KCNQ1OT1: variants seen among roughly 807,000 people sequenced by gnomAD.
KCNQ1OT1 encodes KCNQ1 antisense RNA 2 (non-protein coding).
At chr11:2,610,053 T>TGG (rs1848953737) in exon 1 of KCNQ1OT1, 1 of 397,802 alleles carries the variant, frequency 2.5e-6, no homozygotes, top group Non-Finnish European at 4.4e-6. Context: ...CAGTTTTACT[T>TGG]TTGGTCTTTT....
At chr11:2,699,612 G>GAA in exon 1 of KCNQ1OT1, 1 of 354,102 alleles carries the variant, frequency 2.8e-6, no homozygotes, top group Admixed American at 4.7e-5. Flanking sequence ...AGAGGCCCCC[G>GAA]GAGAGAACCG....
In KCNQ1OT1 at chr11:2,653,583, T is replaced by G. The variant is rs1050735686; in HGVS notation, n.46412A>C. On this transcript the variant is annotated non_coding_transcript_exon_variant, in exon 1 of 1. Coordinates refer to ENST00000597346, the Ensembl canonical transcript of KCNQ1OT1. The surrounding 1 kb of genome is among the most constrained non-coding windows in gnomAD (Gnocchi z 5.3). ...CCCGTTCCCTCTTTTGTTCTCCCTT[T>G]CCCTTGCTCTCTATCCATTGGCCCC... is the stretch of plus-strand genomic sequence containing the variant. 5 of 398,616 alleles carry G rather than the reference T, an allele frequency of 1.3e-5. No individual in the cohort carries two copies. Among genetic ancestry groups the G allele is most frequent in the African/African-American group, 1.0e-4 (5 of 48,612 alleles). The allele number at this position is 398,616 out of a possible 1,614,324, so 24.7% of individuals were successfully genotyped here.
At chr11:2,630,306 G>C (rs960954649) in exon 1 of KCNQ1OT1, 2 of 397,984 alleles carry the variant, frequency 5.0e-6, no homozygotes, top group African/African-American at 4.1e-5. Flanking sequence ...GTTAAATTCA[G>C]TTTGATCATA....
exon 1 of KCNQ1OT1, chr11:2,688,945 C>G (rs548722378): frequency 5.0e-5 from 20 of 398,862 alleles, no homozygotes; most frequent in Admixed American, 1.8e-4. Context: ...CTGTCACCCA[C>G]TGGGCCTAGG....
rs376860798 is a variant in KCNQ1OT1 at position 2,699,731 on chromosome 11, A to G, written n.264T>C. ...CGGCGCCGAGGAGTCCCCGGGGAGAACTGCGCCGAGGAGCCCCCAGAAGAG... is the reference window on the plus strand; with the variant it reads ...CGGCGCCGAGGAGTCCCCGGGGAGAGCTGCGCCGAGGAGCCCCCAGAAGAG... On this transcript the variant is annotated non_coding_transcript_exon_variant, in exon 1 of 1. Transcript: ENST00000597346. 1.7e-4 allele frequency: 48 copies of G among 275,178 alleles called. 2 individuals are homozygous for G. Among genetic ancestry groups the G allele is most frequent in the African/African-American group, 1.3e-3 (44 of 33,156 alleles). The allele number at this position is 275,178 out of a possible 1,614,324, so 17.0% of individuals were successfully genotyped here.
chr11:2,685,259 C>T, exon 1 of KCNQ1OT1: 1 of 398,694 alleles, frequency 2.5e-6, no homozygotes, highest in Non-Finnish European at 4.4e-6. Flanking sequence ...AACTCCAGGG[C>T]ACACGTGCCA....
Position 2,679,407 on chromosome 11 carries a change from A to G in KCNQ1OT1, n.20588T>C, listed in dbSNP as rs1267935226. On this transcript the variant is annotated non_coding_transcript_exon_variant, in exon 1 of 1. Coordinates refer to ENST00000597346, the Ensembl canonical transcript of KCNQ1OT1. This position sits in a 1 kb window ranked among gnomAD's most constrained non-coding sequence, Gnocchi z 4.8. ...TTTCTTTATTTGTAAAATGGGAATCATAAGAGTACCTTCCTCAGAGGGTTG... is the reference window on the plus strand; with the variant it reads ...TTTCTTTATTTGTAAAATGGGAATCGTAAGAGTACCTTCCTCAGAGGGTTG... 5.0e-6 allele frequency: 2 copies of G among 398,676 alleles called. No homozygotes were observed. The highest frequency in any genetic ancestry group is 8.8e-6 in the Non-Finnish European group (2 of 226,074). The allele number at this position is 398,676 out of a possible 1,614,324, so 24.7% of individuals were successfully genotyped here.
chr11:2,622,736 C>G (rs927658923), exon 1 of KCNQ1OT1: 8 of 398,322 alleles, frequency 2.0e-5, no homozygotes, highest in African/African-American at 1.4e-4. Flanking sequence ...ATTTTTAGAG[C>G]AGTTTTAGGG....
At position 2,664,168 on chromosome 11, in the gene KCNQ1OT1, G is replaced by A; in HGVS notation, n.35827C>T. On this transcript the variant is annotated non_coding_transcript_exon_variant, in exon 1 of 1. Coordinates refer to ENST00000597346, the Ensembl canonical transcript of KCNQ1OT1. This position sits in a 1 kb window ranked among gnomAD's most constrained non-coding sequence, Gnocchi z 5.1. ...CTCAGAGCAGGCTGTTCCAAAAGTG[G>A]CTGCTAGATATGAGCCAGCCTGGGA... 1 of 398,728 alleles carries A rather than the reference G, an allele frequency of 2.5e-6. No individual in the cohort carries two copies. 24.7% of individuals were successfully genotyped at this position (398,728 alleles called of 1,614,324 possible).
rs968405222 is a variant in KCNQ1OT1, at chr11:2,698,989, G to A, written n.1006C>T. The A allele has an allele frequency of 5.0e-6, 2 of 398,444 alleles. No homozygotes were observed. Among genetic ancestry groups the A allele is most frequent in the Non-Finnish European group, 8.8e-6 (2 of 226,064 alleles). 24.7% of individuals were successfully genotyped at this position (398,444 alleles called of 1,614,324 possible). A position where few individuals can be genotyped will look rare whatever the true frequency, so the allele number is the denominator to read the frequency against. On this transcript the variant is annotated non_coding_transcript_exon_variant, in exon 1 of 1. Transcript: ENST00000597346. This position sits in a 1 kb window ranked among gnomAD's most constrained non-coding sequence, Gnocchi z 5.1. ...AACCACAACGGGGATTCCCACCTCC[G>A]ATCCTAATTCGGGCCCTGACTCAGA...
exon 1 of KCNQ1OT1, chr11:2,681,199 T>A (rs1407128713): frequency 5.0e-6 from 2 of 398,460 alleles, no homozygotes; most frequent in African/African-American, 4.1e-5. Flanking sequence ...ATTTTTGCAG[T>A]GTTTGTGTTC....
chr11:2,699,495 G>T, exon 1 of KCNQ1OT1: 1 of 175,732 alleles, frequency 5.7e-6, no homozygotes, highest in Non-Finnish European at 8.9e-6. Context: ...CGGGGAGAGT[G>T]CCGCGCTGAG....
In KCNQ1OT1 at chr11:2,623,016, C is replaced by G. The variant is rs1420484148; in HGVS notation, n.76979G>C. Reference sequence around the variant, plus strand: ...CAAATCTCATCTTGAACTGTAATCCCCATGTGTCAGGGGAGGGGCCTGGTG... The same window carrying G: ...CAAATCTCATCTTGAACTGTAATCCGCATGTGTCAGGGGAGGGGCCTGGTG... On this transcript the variant is annotated non_coding_transcript_exon_variant, in exon 1 of 1. Coordinates refer to ENST00000597346, the Ensembl canonical transcript of KCNQ1OT1. This position sits in a 1 kb window ranked among gnomAD's most constrained non-coding sequence, Gnocchi z 5.2. 2.5e-6 allele frequency: 1 copy of G among 398,432 alleles called. No homozygotes were observed. The highest frequency in any genetic ancestry group is 2.1e-5 in the African/African-American group (1 of 48,602). 24.7% of individuals were successfully genotyped at this position (398,432 alleles called of 1,614,324 possible). A position where few individuals can be genotyped will look rare whatever the true frequency, so the allele number is the denominator to read the frequency against.
chr11:2,651,957 G>T lies in KCNQ1OT1; in HGVS notation n.48038C>A. On this transcript the variant is annotated non_coding_transcript_exon_variant, in exon 1 of 1. Transcript: ENST00000597346. The surrounding 1 kb of genome is among the most constrained non-coding windows in gnomAD (Gnocchi z 6.1). ...CAGCCCTCCTGCAGCCAGCAGCAGT[G>T]GGGGAGCCAAGCTGAGTTGATTACT... is the stretch of plus-strand genomic sequence containing the variant. 2 of 398,686 alleles carry T rather than the reference G, an allele frequency of 5.0e-6. No individual in the cohort carries two copies. Among genetic ancestry groups the T allele is most frequent in the Non-Finnish European group, 8.8e-6 (2 of 226,122 alleles). The allele number at this position is 398,686 out of a possible 1,614,324, so 24.7% of individuals were successfully genotyped here.
exon 1 of KCNQ1OT1, chr11:2,632,162 G>A (rs148416068): frequency 1.7e-4 from 60 of 359,670 alleles, no homozygotes; most frequent in East Asian, 2.3e-4. Flanking sequence ...TAGCCTGGGC[G>A]ACAGACCAAG....
rs1850128250 is a variant in KCNQ1OT1, at chr11:2,668,717, C to T, written n.31278G>A. The T allele has an allele frequency of 2.5e-6, 1 of 398,644 alleles. No individual in the cohort carries two copies. 24.7% of individuals were successfully genotyped at this position (398,644 alleles called of 1,614,324 possible). A position where few individuals can be genotyped will look rare whatever the true frequency, so the allele number is the denominator to read the frequency against. On this transcript the variant is annotated non_coding_transcript_exon_variant, in exon 1 of 1. Coordinates refer to ENST00000597346, the Ensembl canonical transcript of KCNQ1OT1. The surrounding 1 kb of genome is among the most constrained non-coding windows in gnomAD (Gnocchi z 4.3). Reference sequence around the variant, plus strand: ...ACACTCACACTCTCTCACAGACACACACATTGCAAATATCGCCTCCCCCTC... The same window carrying T: ...ACACTCACACTCTCTCACAGACACATACATTGCAAATATCGCCTCCCCCTC...
chr11:2,627,674 A>G lies in KCNQ1OT1; in HGVS notation n.72321T>C, dbSNP rs556113397. The stretch of plus-strand genomic sequence containing the variant: ...AATATTTCATTGTGTGTGTGTATAT[A>G]TGTGTGTGTGTGTGTCTGTATGTAT... On this transcript the variant is annotated non_coding_transcript_exon_variant, in exon 1 of 1. Transcript: ENST00000597346. The surrounding 1 kb of genome is among the most constrained non-coding windows in gnomAD (Gnocchi z 4.9). The G allele has an allele frequency of 2.1e-4, 83 of 397,864 alleles. No individual in the cohort carries two copies. Among genetic ancestry groups the G allele is most frequent in the African/African-American group, 1.3e-3 (62 of 48,608 alleles). The allele number at this position is 397,864 out of a possible 1,614,324, so 24.6% of individuals were successfully genotyped here.
exon 1 of KCNQ1OT1, chr11:2,686,192 C>A (rs1334758309): frequency 7.5e-6 from 3 of 398,846 alleles, no homozygotes; most frequent in Non-Finnish European, 8.8e-6. Context: ...ACTCATCCTG[C>A]CCAAAACCCT....
chr11:2,653,095 G>A lies in KCNQ1OT1; in HGVS notation n.46900C>T. ...ATCCTCATACAGCAGGGTGTGGAGA[G>A]AGGCTCACTGAAGGTTTGGGGAGAT... On this transcript the variant is annotated non_coding_transcript_exon_variant, in exon 1 of 1. Coordinates refer to ENST00000597346, the Ensembl canonical transcript of KCNQ1OT1. The surrounding 1 kb of genome is among the most constrained non-coding windows in gnomAD (Gnocchi z 5.3). The A allele has an allele frequency of 2.5e-6, 1 of 398,726 alleles. No individual in the cohort carries two copies. The highest frequency in any genetic ancestry group is 4.4e-6 in the Non-Finnish European group (1 of 226,126). The allele number at this position is 398,726 out of a possible 1,614,324, so 24.7% of individuals were successfully genotyped here.
Sources: gnomAD v4.1 joint callset for allele counts on GRCh38, gnomAD v4.1.1 for gene constraint, Gnocchi (gnomAD v3.1) non-coding constraint, MANE v1.5 for transcripts, NCBI Gene and HGNC (gene_info 2026-07-23, HGNC 2026-07-21) for gene names.